The following TPD52 variants were observed in gnomAD, a reference collection of about 807,000 sequenced individuals.
TPD52 encodes the protein tumor protein D52.
TPD52 carries 17 observed loss-of-function variants against 31.3 expected under a neutral mutation model. That is an observed-to-expected ratio of 0.54 (90% confidence interval 0.37 to 0.82). The LOEUF (loss-of-function observed/expected upper bound fraction) is 0.82. Among genes scored for constraint, TPD52 ranks in the 40% least tolerant of loss-of-function variants. The pLI is 0.00. For missense variants in TPD52, 212 were observed against 240.1 expected (o/e 0.88, Z 0.77); for synonymous variants, 83 against 89.6 (o/e 0.93, Z 0.42).
intron 1 of TPD52, among the ~76,000 whole-genome samples, chr8:80,097,921 G>A (rs1414013199): frequency 2.0e-5 from 3 of 152,200 alleles, no homozygotes; most frequent in Non-Finnish European, 4.4e-5. Context: ...AATGTAGCCA[G>A]TGACCTTAAG....
chr8:80,119,486 T>G (rs1808097360), intron 1 of TPD52, among the ~76,000 whole-genome samples: 1 of 152,234 alleles, frequency 6.6e-6, no homozygotes, highest in African/African-American at 2.4e-5. Flanking sequence ...CATTGTAAAC[T>G]TCTACCCGTG....
At chr8:80,169,355 C>A (rs1411760232) in intron 1 of TPD52, among the ~76,000 whole-genome samples, 2 of 152,202 alleles carry the variant, frequency 1.3e-5, no homozygotes, top group East Asian at 3.8e-4. Flanking sequence ...CCTCTTCTTT[C>A]ATTCGGAGCA....
At chr8:80,040,188 T>TTTA (rs1810243681) in intron 7 of TPD52, among the ~76,000 whole-genome samples, 1 of 130,934 alleles carries the variant, frequency 7.6e-6, no homozygotes, top group Non-Finnish European at 1.6e-5. Context: ...CGCTATCCTT[T>TTTA]TTTTTTTTTT....
rs187184324 is a variant in TPD52 at position 80,109,653 on chromosome 8, C to T, written c.20-45060G>A. 1.2e-4 allele frequency among the ~76,000 whole-genome samples: 18 copies of T among 152,214 alleles called. No homozygotes were observed. In the East Asian group the frequency reaches 2.9e-3, roughly 24 times the overall value. The stretch of plus-strand genomic sequence containing the variant: ...AACTCCTGACCTCAGGTGATCCACC[C>T]GCCTTGGCCTCCCAAAGTGCTGGGA... On this transcript the variant is annotated intron_variant, in intron 1 of 7. Coordinates refer to ENST00000518937, the MANE Select transcript of TPD52 (RefSeq NM_001025253.3).
chr8:80,046,085 G>T (rs902819075), intron 5 of TPD52, among the ~76,000 whole-genome samples: 1 of 152,028 alleles, frequency 6.6e-6, no homozygotes, highest in Non-Finnish European at 1.5e-5. Flanking sequence ...CTCCAGCAGT[G>T]GATCGGTTGG....
At chr8:80,049,138 G>A (rs906280145) in intron 5 of TPD52, among the ~76,000 whole-genome samples, 4 of 152,128 alleles carry the variant, frequency 2.6e-5, no homozygotes, top group African/African-American at 9.7e-5. Flanking sequence ...TTACACTGAT[G>A]TTTGCATCAC....
At chr8:80,108,604 A>T (rs1807293661) in intron 1 of TPD52, among the ~76,000 whole-genome samples, 1 of 152,230 alleles carries the variant, frequency 6.6e-6, no homozygotes, top group African/African-American at 2.4e-5. Context: ...AGTACTCTGG[A>T]TATACAGGTT....
At chr8:80,040,188 T>C (rs1810243138) in intron 7 of TPD52, among the ~76,000 whole-genome samples, 1 of 130,996 alleles carries the variant, frequency 7.6e-6, no homozygotes, top group South Asian at 2.7e-4. Flanking sequence ...CGCTATCCTT[T>C]TTTTTTTTTT....
At chr8:80,166,521 C>A (rs1811724600) in intron 1 of TPD52, among the ~76,000 whole-genome samples, 1 of 151,696 alleles carries the variant, frequency 6.6e-6, no homozygotes, top group Admixed American at 6.6e-5. Context: ...CATGAGCCAC[C>A]ACATGCGGCC....
intron 1 of TPD52, among the ~76,000 whole-genome samples, chr8:80,141,743 C>T (rs1442329649): frequency 6.6e-5 from 10 of 152,078 alleles, no homozygotes; most frequent in African/African-American, 1.4e-4. Context: ...AATCCCGTCT[C>T]TACTAAAAAT....
chr8:80,123,383 A>C (rs984203151), intron 1 of TPD52, among the ~76,000 whole-genome samples: 2 of 152,214 alleles, frequency 1.3e-5, no homozygotes, highest in Non-Finnish European at 2.9e-5. Flanking sequence ...CTCTCAAGAC[A>C]AGGTGGGCGA....
At chr8:80,145,923 C>T (rs1240431745) in intron 1 of TPD52, among the ~76,000 whole-genome samples, 2 of 152,092 alleles carry the variant, frequency 1.3e-5, no homozygotes, top group Non-Finnish European at 2.9e-5. Context: ...AACATGGTGG[C>T]TTTTTGTTAG....
At chr8:80,096,319 A>ACACACACACACACACACACACACACAC (rs1563622982) in intron 1 of TPD52, among the ~76,000 whole-genome samples, 1 of 139,242 alleles carries the variant, frequency 7.2e-6, no homozygotes, top group African/African-American at 2.7e-5. Context: ...CACACACACA[A>ACACACACACACACACACACACACACAC]ACTTCTCCTA....
chr8:80,067,549 T>C (rs114659824), intron 1 of TPD52, among the ~76,000 whole-genome samples: 1 of 152,124 alleles, frequency 6.6e-6, no homozygotes, highest in African/African-American at 2.4e-5. Context: ...TTCTGTGAGG[T>C]GGGGATCCCT....
chr8:80,050,036 T>C (rs1331508235), intron 5 of TPD52, among the ~76,000 whole-genome samples: 1 of 152,028 alleles, frequency 6.6e-6, no homozygotes, highest in Non-Finnish European at 1.5e-5. Context: ...ATGCAGTCTG[T>C]TACAATTGTG....
chr8:80,139,282 A>AT (rs978754568), intron 1 of TPD52, among the ~76,000 whole-genome samples: 3 of 152,230 alleles, frequency 2.0e-5, no homozygotes, highest in African/African-American at 7.2e-5. Flanking sequence ...AAAATCCACT[A>AT]TTTTTTTATA....
At chr8:80,115,883 C>T (rs563692956) in intron 1 of TPD52, among the ~76,000 whole-genome samples, 1 of 152,168 alleles carries the variant, frequency 6.6e-6, no homozygotes, top group South Asian at 2.1e-4. Context: ...TCAAAAGAAA[C>T]TATAAACAAG....
chr8:80,052,703 T>C (rs1187990136), intron 3 of TPD52: 2 of 1,286,854 alleles, frequency 1.6e-6, no homozygotes, highest in Non-Finnish European at 1.0e-6. Flanking sequence ...AACTGCATTA[T>C]GATAATGCTA....
At chr8:80,128,494 C>CAAATAAAAAAAAA (rs1808789368) in intron 1 of TPD52, among the ~76,000 whole-genome samples, 1 of 83,152 alleles carries the variant, frequency 1.2e-5, no homozygotes, top group African/African-American at 5.3e-5. Flanking sequence ...CCTGTCTCTA[C>CAAATAAAAAAAAA]AAAAAAAAAA....
Sources: gnomAD v4.1 joint callset for allele counts (sites outside exome capture counted in the v4.1 genomes callset) on GRCh38, gnomAD v4.1.1 for gene constraint, MANE v1.5 for transcripts, NCBI Gene and HGNC (gene_info 2026-07-23, HGNC 2026-07-21) for gene names.